Variants in MARCHF1 observed in about 807,000 individuals in gnomAD.
MARCHF1 encodes the protein E3 ubiquitin-protein ligase MARCHF1.
Under a neutral mutation model 54.2 loss-of-function variants are expected in MARCHF1, and 40 were observed. The observed-to-expected ratio is 0.74, with a 90% CI of 0.57 to 0.96. MARCHF1 has a LOEUF of 0.96. Among genes scored for constraint, MARCHF1 ranks in the 40% least tolerant of loss-of-function variants. The probability of loss-of-function intolerance (pLI) is 0.00; values close to 1 mark genes in which losing one functional copy is unlikely to be tolerated. For missense variants in MARCHF1, 586 were observed against 656.5 expected (o/e 0.89, Z 1.17); for synonymous variants, 236 against 236.3 (o/e 1.00, Z 0.01).
At chr4:163,933,011 A>C (rs1215327110) in intron 3 of MARCHF1, 2 of 1,123,784 alleles carry the variant, frequency 1.8e-6, no homozygotes, top group Admixed American at 1.8e-5. Flanking sequence ...CCACACATCC[A>C]ATCTGCCTGG....
intron 1 of MARCHF1, among the ~76,000 whole-genome samples, chr4:164,315,264 C>T (rs1335736191): frequency 6.7e-6 from 1 of 148,702 alleles, no homozygotes; most frequent in Non-Finnish European, 1.5e-5. Flanking sequence ...ATTCCACAGA[C>T]CCTTAACTTT....
In MARCHF1 at chr4:164,133,587, G is replaced by A. The variant is rs550798791; in HGVS notation, c.-322-21925C>T. Among the ~76,000 whole-genome samples, 5 of 152,240 alleles carry A rather than the reference G, an allele frequency of 3.3e-5. No homozygotes were observed. The East Asian group carries it at 9.6e-4, about 29-fold the overall frequency. On this transcript the variant is annotated intron_variant, in intron 1 of 9. Coordinates refer to ENST00000514618, the MANE Select transcript of MARCHF1 (RefSeq NM_001394959.1). Reference sequence around the variant, plus strand: ...AATGAAATCTTGCCTAAAGAGAAATGATACATTTGCACCTACATGAATTCT... The same window carrying A: ...AATGAAATCTTGCCTAAAGAGAAATAATACATTTGCACCTACATGAATTCT...
At chr4:163,738,904 G>A (rs1746120849) in intron 4 of MARCHF1, among the ~76,000 whole-genome samples, 1 of 152,128 alleles carries the variant, frequency 6.6e-6, no homozygotes, top group African/African-American at 2.4e-5. Flanking sequence ...TTCCTACATT[G>A]TTTTTAAATG....
chr4:163,622,488 G>A (rs1741725489), intron 5 of MARCHF1, among the ~76,000 whole-genome samples: 1 of 151,856 alleles, frequency 6.6e-6, no homozygotes, highest in Non-Finnish European at 1.5e-5. Flanking sequence ...ACAGTAATAG[G>A]AGCTCAATAA....
chr4:163,640,919 A>C (rs1419353612), intron 5 of MARCHF1, among the ~76,000 whole-genome samples: 1 of 152,092 alleles, frequency 6.6e-6, no homozygotes, highest in African/African-American at 2.4e-5. Flanking sequence ...TTCCATTTCA[A>C]ACACCAAGGG....
At chr4:163,661,350 C>T (rs187462294) in intron 5 of MARCHF1, among the ~76,000 whole-genome samples, 18 of 152,006 alleles carry the variant, frequency 1.2e-4, no homozygotes, top group Admixed American at 1.0e-3. Flanking sequence ...TTTCATAGTA[C>T]TTTCCTCTGG....
In MARCHF1 at chr4:164,340,426, T is replaced by C. The variant is rs949063018; in HGVS notation, c.-323+43444A>G. On this transcript the variant is annotated intron_variant, in intron 1 of 9. Coordinates refer to ENST00000514618, the MANE Select transcript of MARCHF1 (RefSeq NM_001394959.1). The stretch of plus-strand genomic sequence containing the variant: ...TGATTTATATATAGATATATATATA[T>C]ATATATATAGTTTGTTTGTTTGAGA... Among the ~76,000 whole-genome samples, 29 of 131,728 alleles carry C rather than the reference T, an allele frequency of 2.2e-4. 3 individuals are homozygous for C. Among genetic ancestry groups the C allele is most frequent in the East Asian group, 7.3e-4 (3 of 4,122 alleles). The allele number at this position is 131,728 out of a possible 152,430, so 86.4% of individuals were successfully genotyped here.
Position 163,854,146 on chromosome 4 carries a change from T to G in MARCHF1, c.-15A>C. On this transcript the variant is annotated 5_prime_UTR_variant, in exon 4 of 10. It removes the in-frame stop codon of an upstream open reading frame in the 5' UTR. Coordinates refer to ENST00000514618, the MANE Select transcript of MARCHF1 (RefSeq NM_001394959.1). ...CAGCCCAGCATTTTCTCCTTCCTCT[T>G]ATCCCTTTTCAATTTCTGAAATTCT... The G allele has an allele frequency of 5.9e-6, 9 of 1,522,344 alleles. No individual in the cohort carries two copies. Among genetic ancestry groups the G allele is most frequent in the Non-Finnish European group, 7.0e-6 (8 of 1,139,976 alleles). 94.3% of individuals were successfully genotyped at this position (1,522,344 alleles called of 1,614,324 possible).
intron 9 of MARCHF1, among the ~76,000 whole-genome samples, chr4:163,535,841 A>G (rs939505781): frequency 6.6e-6 from 1 of 151,216 alleles, no homozygotes; most frequent in Non-Finnish European, 1.5e-5. Flanking sequence ...AGTGTAGACC[A>G]TAGGTTCACC....
At chr4:164,372,916 A>G (rs1208056914) in intron 1 of MARCHF1, among the ~76,000 whole-genome samples, 1 of 152,112 alleles carries the variant, frequency 6.6e-6, no homozygotes, top group African/African-American at 2.4e-5. Flanking sequence ...AGTGGTGGCC[A>G]CCTTTCTTTA....
At chr4:164,151,240 G>A (rs1462334138) in intron 1 of MARCHF1, among the ~76,000 whole-genome samples, 2 of 152,134 alleles carry the variant, frequency 1.3e-5, no homozygotes, top group Non-Finnish European at 2.9e-5. Context: ...GAATAGGAGA[G>A]CTAAGACAGT....
At chr4:163,924,326 G>T (rs1261448494) in intron 3 of MARCHF1, among the ~76,000 whole-genome samples, 2 of 151,996 alleles carry the variant, frequency 1.3e-5, no homozygotes, top group Non-Finnish European at 2.9e-5. Context: ...AAGAAGAGAA[G>T]AACAGACTTT....
At chr4:164,104,159 G>T (rs1381821748) in intron 2 of MARCHF1, among the ~76,000 whole-genome samples, 1 of 147,246 alleles carries the variant, frequency 6.8e-6, no homozygotes, top group Non-Finnish European at 1.5e-5. Context: ...GGACCAGATG[G>T]ATTCACAGCC....
At chr4:163,605,254 C>G (rs1741103877) in intron 7 of MARCHF1, among the ~76,000 whole-genome samples, 4 of 151,990 alleles carry the variant, frequency 2.6e-5, no homozygotes. Context: ...AGGATATAAA[C>G]AGACACTTCT....
intron 1 of MARCHF1, among the ~76,000 whole-genome samples, chr4:164,141,445 C>G (rs1298511536): frequency 6.6e-6 from 1 of 152,174 alleles, no homozygotes; most frequent in East Asian, 1.9e-4. Flanking sequence ...CAATGTCCCC[C>G]CATCATTTCT....
At chr4:164,298,090 G>C (rs1053063351) in intron 1 of MARCHF1, among the ~76,000 whole-genome samples, 5 of 151,930 alleles carry the variant, frequency 3.3e-5, no homozygotes, top group African/African-American at 1.2e-4. Context: ...GACCCAAATA[G>C]AGTTTTAAAA....
At chr4:164,207,555 T>G (rs1731643080) in intron 1 of MARCHF1, among the ~76,000 whole-genome samples, 1 of 152,228 alleles carries the variant, frequency 6.6e-6, no homozygotes. Context: ...AGATAAAACC[T>G]CACTGAAGGT....
chr4:163,725,967 A>G (rs1745640023), intron 4 of MARCHF1, among the ~76,000 whole-genome samples: 2 of 148,900 alleles, frequency 1.3e-5, no homozygotes, highest in African/African-American at 2.5e-5. Context: ...TAACAAATAT[A>G]AGCTACTACT....
chr4:164,026,888 G>A (rs888849409), intron 2 of MARCHF1, among the ~76,000 whole-genome samples: 2 of 152,194 alleles, frequency 1.3e-5, no homozygotes, highest in Non-Finnish European at 2.9e-5. Context: ...GACCAGTAAA[G>A]TTTCAGGATA....
Sources: allele counts gnomAD v4.1 joint callset (sites outside exome capture counted in the v4.1 genomes callset), GRCh38; gene constraint gnomAD v4.1.1; transcripts MANE v1.5; gene names NCBI Gene and HGNC (gene_info 2026-07-23, HGNC 2026-07-21).